Variants in CCN4 observed in about 807,000 individuals in gnomAD.
CCN4 encodes cellular communication network factor 4, also known as CCN family member 4.
A neutral mutation model predicts 36.7 loss-of-function variants in CCN4; 30 were observed. The ratio of observed to expected loss-of-function variants is 0.82; its 90% CI spans 0.61 to 1.11. CCN4 has a LOEUF of 1.11. Among genes scored for constraint, CCN4 ranks in the 50% least tolerant of loss-of-function variants. The pLI, the probability that CCN4 is intolerant of heterozygous loss-of-function variation, is 0.00. For missense variants in CCN4, 505 were observed against 504.9 expected, an observed-to-expected ratio of 1.00 and a Z score of 0.00; for synonymous variants, 191 against 195.4, an observed-to-expected ratio of 0.98 and a Z score of 0.19.
Position 133,220,804 on chromosome 8 carries a change from G to T in CCN4, c.573G>T (p.Arg191Ser). The T allele has an allele frequency of 6.2e-7, 1 of 1,609,694 alleles. No individual in the cohort carries two copies. Among genetic ancestry groups the T allele is most frequent in the Non-Finnish European group, 8.5e-7 (1 of 1,177,862 alleles). Reference protein sequence around the residue: ...EQWVCEDDAKRPRKTAPRDTG... With the variant: ...EQWVCEDDAKSPRKTAPRDTG... ...GGGTATGTGAGGACGACGCCAAGAGGCCACGCAAGACCGCACCCCGTGACA... is the reference window on the plus strand; with the variant it reads ...GGGTATGTGAGGACGACGCCAAGAGTCCACGCAAGACCGCACCCCGTGACA... The change falls in exon 3 of 5, where the codon AGG becomes AGT. Residue 191 changes from arginine to serine, a missense_variant. By Grantham distance (110) the Arg-to-Ser change is moderately radical (BLOSUM62 -1). Transcript: ENST00000250160.
chr8:133,191,113 T>C lies in CCN4; in HGVS notation c.-32T>C. The C allele has an allele frequency of 6.2e-7, 1 of 1,603,642 alleles. No homozygotes were observed. The highest frequency in any genetic ancestry group is 1.1e-5 in the South Asian group (1 of 90,856). The stretch of plus-strand genomic sequence containing the variant: ...GAGGTGGTCGGATCCTCTGGGCTGC[T>C]CGGTCGATGCCTGTGCCACTGACGT... On this transcript the variant is annotated 5_prime_UTR_variant, in exon 1 of 5. Transcript: ENST00000250160.
chr8:133,210,641 G>T lies in CCN4; in HGVS notation c.70-2223G>T, dbSNP rs1056639622. Among the ~76,000 whole-genome samples, 9 of 152,108 alleles carry T rather than the reference G, an allele frequency of 5.9e-5. No individual in the cohort carries two copies. In the East Asian group the frequency reaches 1.7e-3, roughly 29 times the overall value. On this transcript the variant is annotated intron_variant, in intron 1 of 4. Coordinates refer to ENST00000250160, the MANE Select transcript of CCN4 (RefSeq NM_003882.4). The stretch of plus-strand genomic sequence containing the variant: ...GGCAAGATTTTTTTTGGCCATTCTG[G>T]TGTCTGTCTGGGCCATAACAGAGAA...
chr8:133,213,296 C>G (rs915604299), intron 2 of CCN4, among the ~76,000 whole-genome samples, 153 bp downstream of exon 2: 1 of 152,150 alleles, frequency 6.6e-6, no homozygotes, highest in Non-Finnish European at 1.5e-5. Context: ...GAGGCTGGGT[C>G]CTTCCTGGGA....
chr8:133,209,726 G>T (rs1024303625), intron 1 of CCN4, among the ~76,000 whole-genome samples: 1 of 152,218 alleles, frequency 6.6e-6, no homozygotes, highest in Non-Finnish European at 1.5e-5. Context: ...CCCCAACTCT[G>T]TTCTGGGCAC....
chr8:133,210,489 C>CA (rs962289814), intron 1 of CCN4, among the ~76,000 whole-genome samples: 1 of 151,924 alleles, frequency 6.6e-6, no homozygotes. Flanking sequence ...TGAACAAGGG[C>CA]AGGCTAACTA....
In CCN4 at chr8:133,229,678, A is replaced by C. The variant is rs999513636; in HGVS notation, c.*1968A>C. On this transcript the variant is annotated 3_prime_UTR_variant, in exon 5 of 5. Transcript: ENST00000250160. ...CAAGGTATACAGTGGTGCTCATTAA[A>C]TACTTGATGAATACAGGAAGCTGTG... 1.3e-5 allele frequency: 2 copies of C among 152,226 alleles called. No individual in the cohort carries two copies. Among genetic ancestry groups the C allele is most frequent in the Non-Finnish European group, 2.9e-5 (2 of 68,042 alleles). 9.4% of individuals were successfully genotyped at this position (152,226 alleles called of 1,614,324 possible).
chr8:133,224,260 A>G (rs1482977311), intron 3 of CCN4, among the ~76,000 whole-genome samples: 4 of 68,308 alleles, frequency 5.9e-5, no homozygotes, highest in Admixed American at 2.2e-4. Flanking sequence ...TTTTTTTTTG[A>G]GACAGAATCC....
chr8:133,219,244 C>A (rs1409497089), intron 2 of CCN4, among the ~76,000 whole-genome samples: 1 of 152,162 alleles, frequency 6.6e-6, no homozygotes, highest in Non-Finnish European at 1.5e-5. Flanking sequence ...TACAAGGAAG[C>A]CTTCTCGGAC....
chr8:133,220,110 T>C (rs1455234468), intron 2 of CCN4, among the ~76,000 whole-genome samples: 1 of 152,214 alleles, frequency 6.6e-6, no homozygotes, highest in Non-Finnish European at 1.5e-5. Context: ...TTTGTCTGTT[T>C]TGTCCACTAT....
chr8:133,220,743 G>A lies in CCN4; in HGVS notation c.512G>A (p.Arg171Gln), dbSNP rs377237188. Reference protein sequence around the residue: ...RPPRLWCPHPRRVSIPGHCCE... With the variant: ...RPPRLWCPHPQRVSIPGHCCE... The stretch of plus-strand genomic sequence containing the variant: ...CCGCGTCTCTGGTGCCCCCACCCGC[G>A]GCGCGTGAGCATACCTGGCCACTGC... Residue 171 changes from arginine to glutamine, a missense_variant, in exon 3 of 5, where the codon CGG becomes CAG. Arg to Gln is a conservative substitution (Grantham distance 43, BLOSUM62 1). Coordinates refer to ENST00000250160, the MANE Select transcript of CCN4 (RefSeq NM_003882.4). 74 of 1,613,410 alleles carry A rather than the reference G, an allele frequency of 4.6e-5. 1 individual carries two copies. The highest frequency in any genetic ancestry group is 3.4e-4 in the South Asian group (31 of 91,064).
intron 2 of CCN4, among the ~76,000 whole-genome samples, chr8:133,215,406 T>TAAGC (rs1854283680): frequency 6.6e-6 from 1 of 152,236 alleles, no homozygotes; most frequent in Admixed American, 6.5e-5. Flanking sequence ...TGTCTCATAA[T>TAAGC]TTATTCTTCC....
intron 1 of CCN4, among the ~76,000 whole-genome samples, chr8:133,203,880 A>C (rs1853673648): frequency 1.3e-5 from 2 of 152,252 alleles, no homozygotes; most frequent in Non-Finnish European, 2.9e-5. Flanking sequence ...TTTTGTAAAA[A>C]TGAATACTGA....
rs1472636482 is a variant in CCN4, at chr8:133,191,049, C to T, written c.-96C>T. On this transcript the variant is annotated 5_prime_UTR_variant, in exon 1 of 5. Coordinates refer to ENST00000250160, the MANE Select transcript of CCN4 (RefSeq NM_003882.4). ...GGCTGCGGAAGAGGCATATCTGGTG[C>T]TCCTGATGGGCCGGCCAGTCTGGGC... 5.3e-6 allele frequency: 7 copies of T among 1,329,404 alleles called. No homozygotes were observed. Among genetic ancestry groups the T allele is most frequent in the Non-Finnish European group, 6.4e-6 (6 of 944,794 alleles). The allele number at this position is 1,329,404 out of a possible 1,614,324, so 82.4% of individuals were successfully genotyped here.
chr8:133,195,319 G>GGTGTGTGT (rs368120068), intron 1 of CCN4, among the ~76,000 whole-genome samples: 1 of 150,752 alleles, frequency 6.6e-6, no homozygotes, highest in African/African-American at 2.4e-5. Context: ...TTGCGTGTGT[G>GGTGTGTGT]GTGTGTGTGT....
rs115460014 is a variant in CCN4 at position 133,208,832 on chromosome 8, T to C, written c.70-4032T>C. The stretch of plus-strand genomic sequence containing the variant: ...AGGCAGGTCTGCTTGGCTCTCACAC[T>C]GCATCCCCAGCACCTAGTGCTGCAC... On this transcript the variant is annotated intron_variant, in intron 1 of 4. Coordinates refer to ENST00000250160, the MANE Select transcript of CCN4 (RefSeq NM_003882.4). 3.8e-3 allele frequency among the ~76,000 whole-genome samples: 582 copies of C among 152,252 alleles called. 4 individuals are homozygous for C. Among genetic ancestry groups the C allele is most frequent in the African/African-American group, 0.013 (556 of 41,546 alleles).
chr8:133,213,254 C>A, intron 2 of CCN4, 111 bp downstream of exon 2: 1 of 1,334,316 alleles, frequency 7.5e-7, no homozygotes, highest in Non-Finnish European at 1.0e-6. Flanking sequence ...GGCTTCCGTT[C>A]AGCAGGAGAT....
chr8:133,217,730 A>C (rs1588200202), intron 2 of CCN4, among the ~76,000 whole-genome samples: 1 of 152,162 alleles, frequency 6.6e-6, no homozygotes, highest in East Asian at 1.9e-4. Context: ...CAAAAGAAGA[A>C]TACTGACACC....
intron 1 of CCN4, among the ~76,000 whole-genome samples, chr8:133,199,781 G>A (rs1287739562): frequency 1.3e-5 from 2 of 152,096 alleles, no homozygotes; most frequent in East Asian, 1.9e-4. Context: ...GCCAAGTCCT[G>A]ATGCTTGCAA....
intron 3 of CCN4, 143 bp downstream of exon 3, chr8:133,220,984 T>C: frequency 8.9e-7 from 1 of 1,127,980 alleles, no homozygotes; most frequent in Non-Finnish European, 1.2e-6. Context: ...ATACCTCCCC[T>C]GAGACCCTAT....
Sources: gnomAD v4.1 joint callset for allele counts (sites outside exome capture counted in the v4.1 genomes callset) on GRCh38, gnomAD v4.1.1 for gene constraint, MANE v1.5 for transcripts, NCBI Gene and HGNC (gene_info 2026-07-23, HGNC 2026-07-21) for gene names.